The following KL variants were observed in gnomAD, a reference collection of about 807,000 sequenced individuals.
KL encodes alpha-klotho.
KL carries 62 observed loss-of-function variants against 84.2 expected under a neutral mutation model. The ratio of observed to expected loss-of-function variants is 0.74; its 90% CI spans 0.60 to 0.91. The LOEUF is 0.91. Ranked by LOEUF, KL falls within the 40% of genes least tolerant of loss-of-function variation. The pLI, the probability that KL is intolerant of heterozygous loss-of-function variation, is 0.00. For missense variants in KL, 1,261 were observed against 1,305.7 expected (o/e 0.97, Z 0.53); for synonymous variants, 528 against 528.0 (o/e 1.00, Z 0.00).
At chr13:33,054,897 G>A in intron 2 of KL, 150 bp from the exon 3 acceptor site, 4 of 1,000,538 alleles carry the variant, frequency 4.0e-6, no homozygotes, top group South Asian at 2.9e-5. Flanking sequence ...TTTGATTAGA[G>A]TCTTTCGTCA....
At chr13:33,051,804 A>G (rs1009205072) in intron 1 of KL, among the ~76,000 whole-genome samples, 10 of 152,216 alleles carry the variant, frequency 6.6e-5, no homozygotes, top group Non-Finnish European at 1.0e-4. Context: ...TTCTACAGAA[A>G]GGTGCCTGGT....
chr13:33,017,285 G>A (rs754231846), intron 1 of KL, 26 bp downstream of exon 1: 79 of 1,533,638 alleles, frequency 5.2e-5, no homozygotes, highest in Non-Finnish European at 6.6e-5. Flanking sequence ...CAGGCGGAGG[G>A]CCACGCAGGG....
intron 4 of KL, among the ~76,000 whole-genome samples, chr13:33,062,545 C>T (rs970428929): frequency 1.3e-5 from 2 of 151,524 alleles, no homozygotes; most frequent in African/African-American, 2.4e-5. Flanking sequence ...TAGTGATGCA[C>T]ACCTGTAATC....
At chr13:33,060,263 GTT>G in intron 3 of KL, among the ~76,000 whole-genome samples, 1 of 152,202 alleles carries the variant, frequency 6.6e-6, no homozygotes, top group East Asian at 1.9e-4. Context: ...CACATTTTAA[GTT>G]TTTTCTTTTT....
At chr13:33,032,800 T>TCA (rs1871020084) in intron 1 of KL, among the ~76,000 whole-genome samples, 1 of 152,158 alleles carries the variant, frequency 6.6e-6, no homozygotes, top group African/African-American at 2.4e-5. Flanking sequence ...GCTTTCCAGC[T>TCA]CACAGTGATC....
At chr13:33,039,804 G>A (rs1018691938) in intron 1 of KL, among the ~76,000 whole-genome samples, 3 of 152,208 alleles carry the variant, frequency 2.0e-5, no homozygotes, top group Non-Finnish European at 4.4e-5. Context: ...CCTGGATGAG[G>A]AGTAATGAGA....
chr13:33,064,991 A>G lies in KL; in HGVS notation c.*805A>G, dbSNP rs1489611728. The G allele has an allele frequency of 4.4e-6, 1 of 228,038 alleles. No individual in the cohort carries two copies. Among genetic ancestry groups the G allele is most frequent in the African/African-American group, 2.2e-5 (1 of 45,040 alleles). 14.1% of individuals were successfully genotyped at this position (228,038 alleles called of 1,614,324 possible). ...GCATAAAGCAATTGTGAAATACAGT[A>G]TACCGCAGTGGCTCTAGGTGGAGGA... is the stretch of plus-strand genomic sequence containing the variant. On this transcript the variant is annotated 3_prime_UTR_variant, in exon 5 of 5. Coordinates refer to ENST00000380099, the MANE Select transcript of KL (RefSeq NM_004795.4).
chr13:33,054,269 C>T lies in KL; in HGVS notation c.1322C>T (p.Thr441Ile), dbSNP rs2138233119. 2.5e-6 allele frequency: 4 copies of T among 1,612,796 alleles called. No individual in the cohort carries two copies. The highest frequency in any genetic ancestry group is 3.4e-6 in the Non-Finnish European group (4 of 1,179,850). ...MYYLKKFIMETLKAIKLDGVD... is the reference protein window; with the variant it reads ...MYYLKKFIMEILKAIKLDGVD... Reference sequence around the variant, plus strand: ...TACCTCAAAAAGTTCATCATGGAAACCTTAAAAGGTATGATTGTGGGTAAA... The same window carrying T: ...TACCTCAAAAAGTTCATCATGGAAATCTTAAAAGGTATGATTGTGGGTAAA... The change falls in exon 2 of 5, where the codon ACC (threonine) becomes ATC (isoleucine). Residue 441 changes from threonine to isoleucine, a missense_variant. Coordinates refer to ENST00000380099, the MANE Select transcript of KL (RefSeq NM_004795.4).
chr13:33,055,259 C>G lies in KL; in HGVS notation c.1543C>G (p.Leu515Val). ...CCCTCCTTTACCTGAAAATCAGCCC[C>G]TAGAAGGGACATTTCCCTGTGACTT... is the stretch of plus-strand genomic sequence containing the variant. ...GFPPLPENQP[L>V]EGTFPCDFAW... Residue 515 changes from leucine (L) to valine (V), a missense_variant, in exon 3 of 5, where the codon CTA becomes GTA. Leu to Val is a conservative substitution (Grantham distance 32). Transcript: ENST00000380099. The G allele has an allele frequency of 6.2e-7, 1 of 1,614,136 alleles. No homozygotes were observed. The highest frequency in any genetic ancestry group is 8.5e-7 in the Non-Finnish European group (1 of 1,179,996).
chr13:33,049,626 C>T (rs979653203), intron 1 of KL, among the ~76,000 whole-genome samples: 3 of 152,060 alleles, frequency 2.0e-5, no homozygotes, highest in African/African-American at 4.8e-5. Flanking sequence ...GAGAGCTGCA[C>T]CTCCAAAGCA....
At chr13:33,057,462 G>C (rs765433890) in intron 3 of KL, among the ~76,000 whole-genome samples, 4 of 152,174 alleles carry the variant, frequency 2.6e-5, no homozygotes, top group Admixed American at 6.5e-5. Context: ...AGGGAGATGG[G>C]AGATAATTCC....
chr13:33,033,950 G>T (rs1251609210), intron 1 of KL, among the ~76,000 whole-genome samples: 2 of 151,660 alleles, frequency 1.3e-5, no homozygotes, highest in African/African-American at 4.8e-5. Context: ...TTTTAAAAAA[G>T]ATGAACACAC....
chr13:33,019,333 T>C (rs1017405725), intron 1 of KL, among the ~76,000 whole-genome samples: 26 of 152,010 alleles, frequency 1.7e-4, no homozygotes, highest in Admixed American at 7.9e-4. Flanking sequence ...AATAGAAAAA[T>C]TTGAGCTTAC....
chr13:33,037,114 A>G (rs1428540982), intron 1 of KL, among the ~76,000 whole-genome samples: 1 of 152,180 alleles, frequency 6.6e-6, no homozygotes, highest in Admixed American at 6.5e-5. Context: ...CTTCTTTTAG[A>G]TTGTGTCTTG....
chr13:33,031,403 C>T (rs193178819), intron 1 of KL, among the ~76,000 whole-genome samples: 1 of 152,032 alleles, frequency 6.6e-6, no homozygotes, highest in Non-Finnish European at 1.5e-5. Context: ...TAGATACGAT[C>T]ATAGAAAACA....
At position 33,061,729 on chromosome 13, in the gene KL, G is replaced by T; in HGVS notation, c.2650G>T (p.Asp884Tyr). ...CGATGACGGGCTGCATGCTGAGGAC[G>T]ACCAGCTGAGGGTGTATTATATGCA... Reference protein sequence around the residue: ...GIDDGLHAEDDQLRVYYMQNY... With the variant: ...GIDDGLHAEDYQLRVYYMQNY... Residue 884 changes from aspartate to tyrosine, a missense_variant, in exon 4 of 5, where the codon GAC becomes TAC. Coordinates refer to ENST00000380099, the MANE Select transcript of KL (RefSeq NM_004795.4). 7 of 1,613,996 alleles carry T rather than the reference G, an allele frequency of 4.3e-6. No individual in the cohort carries two copies. Among genetic ancestry groups the T allele is most frequent in the Non-Finnish European group, 5.9e-6 (7 of 1,179,958 alleles).
At chr13:33,028,612 T>A (rs1168756158) in intron 1 of KL, among the ~76,000 whole-genome samples, 1 of 152,098 alleles carries the variant, frequency 6.6e-6, no homozygotes, top group Admixed American at 6.5e-5. Flanking sequence ...CCCCAAAATA[T>A]TGGAGGCTCA....
intron 1 of KL, among the ~76,000 whole-genome samples, chr13:33,046,093 A>T (rs1010140553): frequency 5.9e-5 from 9 of 152,120 alleles, no homozygotes; most frequent in Non-Finnish European, 1.2e-4. Context: ...AGGGATATTG[A>T]TCTGTAACTA....
rs560095894 is a variant in KL, at chr13:33,032,032, A to G, written c.819+14773A>G. On this transcript the variant is annotated intron_variant, in intron 1 of 4. Coordinates refer to ENST00000380099, the MANE Select transcript of KL (RefSeq NM_004795.4). The stretch of plus-strand genomic sequence containing the variant: ...TGGGGTCAAAACTCAGGTTTTCTGA[A>G]CCCCTATTCCCAGTGTACATTCCAT... Among the ~76,000 whole-genome samples, 7 of 152,038 alleles carry G rather than the reference A, an allele frequency of 4.6e-5. No homozygotes were observed. The South Asian group carries it at 1.5e-3, about 32-fold the overall frequency.
Sources: gnomAD v4.1 joint callset for allele counts (sites outside exome capture counted in the v4.1 genomes callset) on GRCh38, gnomAD v4.1.1 for gene constraint, MANE v1.5 for transcripts, NCBI Gene and HGNC (gene_info 2026-07-23, HGNC 2026-07-21) for gene names.